C1orf141: variants seen among roughly 807,000 people sequenced by gnomAD.
C1orf141 encodes chromosome 1 open reading frame 141, also known as uncharacterized protein C1orf141.
Under a neutral mutation model 23.2 loss-of-function variants are expected in C1orf141, and 19 were observed. The ratio of observed to expected loss-of-function variants is 0.82; its 90% CI spans 0.57 to 1.20. The LOEUF is 1.20. Ranked by LOEUF, C1orf141 falls within the 50% of genes most tolerant of loss-of-function variation. The pLI is 0.00. For synonymous variants in C1orf141, 153 were observed against 154.6 expected (o/e 0.99, Z 0.08); for missense variants, 469 against 455.1 (o/e 1.03, Z -0.28).
chr1:67,104,241 A>C (rs553368441), intron 5 of C1orf141, among the ~76,000 whole-genome samples: 1 of 152,304 alleles, frequency 6.6e-6, no homozygotes, highest in Non-Finnish European at 1.5e-5. Context: ...TAGACAGGAA[A>C]GATTTCATAG....
intron 2 of C1orf141, among the ~76,000 whole-genome samples, chr1:67,128,610 G>C (rs1376927034): frequency 6.6e-6 from 1 of 151,824 alleles, no homozygotes; most frequent in Non-Finnish European, 1.5e-5. Flanking sequence ...AGGCTGAGGA[G>C]GGATCGCTTG....
intron 4 of C1orf141, among the ~76,000 whole-genome samples, chr1:67,119,383 T>C (rs1646257620): frequency 6.6e-6 from 1 of 152,230 alleles, no homozygotes; most frequent in South Asian, 2.1e-4. Flanking sequence ...TGAAATTGGA[T>C]AGTTAGCTGA....
intron 4 of C1orf141, among the ~76,000 whole-genome samples, chr1:67,117,377 C>A (rs762521608): frequency 6.6e-6 from 1 of 152,016 alleles, no homozygotes; most frequent in South Asian, 2.1e-4. Flanking sequence ...GAGCTGAGAT[C>A]GTGCCACTGC....
chr1:67,101,147 T>A (rs189435014), intron 5 of C1orf141, among the ~76,000 whole-genome samples: 56 of 152,224 alleles, frequency 3.7e-4, no homozygotes, highest in African/African-American at 1.3e-3. Context: ...TTGGTCACAG[T>A]CCAAAAATCA....
upstream of C1orf141, among the ~76,000 whole-genome samples, chr1:67,137,679 C>G (rs1310884923): frequency 1.3e-5 from 2 of 152,176 alleles, no homozygotes; most frequent in Non-Finnish European, 2.9e-5. Flanking sequence ...TCAAGGTCTC[C>G]AGGCAAATAA....
Position 67,096,381 on chromosome 1 carries a change from T to C in C1orf141, c.347-60A>G, listed in dbSNP as rs1239171373. 1.0e-4 allele frequency: 85 copies of C among 846,906 alleles called. 2 individuals carry two copies. In the South Asian group the frequency reaches 1.2e-3, roughly 11 times the overall value. 52.5% of individuals were successfully genotyped at this position (846,906 alleles called of 1,614,324 possible). A position where few individuals can be genotyped will look rare whatever the true frequency, so the allele number is the denominator to read the frequency against. ...AGATATTCTGACATTTAGGAAAATA[T>C]CTTGCACAAAATATTTTACAATTTA... is the stretch of plus-strand genomic sequence containing the variant. On this transcript the variant is annotated intron_variant, in intron 5 of 7. Transcript: ENST00000684719.
At chr1:67,107,437 A>G (rs10732837) in intron 5 of C1orf141, among the ~76,000 whole-genome samples, 104,487 of 152,072 alleles carry the variant, frequency 0.69, 36,258 homozygotes, top group East Asian at 0.79. Context: ...CAATGAAAAG[A>G]AATTGTCAGA....
rs776660177 is a variant in C1orf141 at position 67,115,345 on chromosome 1, G to A, written c.346+7C>T. 2 of 965,978 alleles carry A rather than the reference G, an allele frequency of 2.1e-6. No homozygotes were observed. Among genetic ancestry groups the A allele is most frequent in the South Asian group, 2.8e-5 (2 of 70,204 alleles). 59.8% of individuals were successfully genotyped at this position (965,978 alleles called of 1,614,324 possible). A position where few individuals can be genotyped will look rare whatever the true frequency, so the allele number is the denominator to read the frequency against. On this transcript the variant is annotated splice_region_variant and intron_variant, in intron 5 of 7. Transcript: ENST00000684719. ...CAAAGAAGTAAATATGTTACACAAA[G>A]CATTACCTGTTGACTCACTTTCTTT...
intron 4 of C1orf141, 45 bp downstream of exon 4, chr1:67,125,707 C>T (rs1260295918): frequency 6.3e-7 from 1 of 1,580,006 alleles, no homozygotes; most frequent in East Asian, 2.2e-5. Flanking sequence ...CACAAACAAA[C>T]AAACAAATTC....
At chr1:67,106,989 C>T (rs561977614) in intron 5 of C1orf141, among the ~76,000 whole-genome samples, 274 of 152,284 alleles carry the variant, frequency 1.8e-3, no homozygotes, top group African/African-American at 6.2e-3. Flanking sequence ...AGACTCTTGT[C>T]CCCTTTACTT....
At chr1:67,130,418 A>G (rs6659421) in intron 2 of C1orf141, among the ~76,000 whole-genome samples, 8,139 of 152,256 alleles carry the variant, frequency 0.053, 722 homozygotes, top group African/African-American at 0.19. Flanking sequence ...GAGAAAGAAC[A>G]GAAAGCAGAT....
chr1:67,118,640 A>C (rs965447030), intron 4 of C1orf141, among the ~76,000 whole-genome samples: 10 of 152,224 alleles, frequency 6.6e-5, no homozygotes, highest in Non-Finnish European at 1.0e-4. Context: ...GCTGAAGCTT[A>C]AATCTCTAAC....
chr1:67,113,925 C>G (rs1247212676), intron 5 of C1orf141, among the ~76,000 whole-genome samples: 3 of 152,092 alleles, frequency 2.0e-5, no homozygotes. Flanking sequence ...GATCCCTGGT[C>G]TTAAATCTAG....
intron 5 of C1orf141, among the ~76,000 whole-genome samples, chr1:67,099,506 G>T (rs779907198): frequency 2.0e-5 from 3 of 152,208 alleles, no homozygotes; most frequent in Admixed American, 6.5e-5. Context: ...GGGGCTGAGT[G>T]TGGTGGCTCA....
In C1orf141 at chr1:67,093,099, T is replaced by C; in HGVS notation, c.1109A>G (p.Tyr370Cys). ...ATATATATATTTAAAAGGCTTTGAG[T>C]AACATTTGACAGGTAAGGCACTGGA... The part of the protein sequence containing the change: ...PTSSALPVKC[Y>C]SKPFKYIYEL... Residue 370 changes from tyrosine to cysteine, a missense_variant, in exon 8 of 8, where the codon TAC (tyrosine) becomes TGC (cysteine). By Grantham distance (194) the Tyr-to-Cys change is radical. Around this residue, in one of 3 missense-constraint regions of C1orf141, gnomAD observed 370 missense variants for 348.1 expected, o/e 1.06. Coordinates refer to ENST00000684719, the MANE Select transcript of C1orf141 (RefSeq NM_001276351.2). The C allele has an allele frequency of 6.2e-7, 1 of 1,613,360 alleles. No individual in the cohort carries two copies. Among genetic ancestry groups the C allele is most frequent in the Non-Finnish European group, 8.5e-7 (1 of 1,179,344 alleles).
At chr1:67,124,672 T>C (rs1646370597) in intron 4 of C1orf141, among the ~76,000 whole-genome samples, 1 of 152,138 alleles carries the variant, frequency 6.6e-6, no homozygotes, top group Non-Finnish European at 1.5e-5. Context: ...TCATAGCTGC[T>C]GCCTGTCTAA....
intron 4 of C1orf141, chr1:67,123,501 T>G (rs1015018130): frequency 6.6e-6 from 1 of 152,116 alleles, no homozygotes; most frequent in African/African-American, 2.4e-5. Context: ...ATTTTTTTAT[T>G]TGGCTGAGGT....
Position 67,093,319 on chromosome 1 carries a change from G to T in C1orf141, c.889C>A (p.Leu297Ile). ...GTCTGCTTATTAGTTTTCTTCTTTA[G>T]TTTATCATCTACAGTTGTGTGGCCC... is the stretch of plus-strand genomic sequence containing the variant. The part of the protein sequence containing the change: ...KAGHTTVDDK[L>I]KKKTNKQTLE... Residue 297 changes from leucine to isoleucine, a missense_variant, in exon 8 of 8, where the codon CTA becomes ATA. By Grantham distance (5) the Leu-to-Ile change is conservative (BLOSUM62 2). Coordinates refer to ENST00000684719, the MANE Select transcript of C1orf141 (RefSeq NM_001276351.2). 1 of 1,613,550 alleles carries T rather than the reference G, an allele frequency of 6.2e-7. No homozygotes were observed. The highest frequency in any genetic ancestry group is 8.5e-7 in the Non-Finnish European group (1 of 1,179,588).
At chr1:67,095,092 T>C in intron 7 of C1orf141, 143 bp downstream of exon 7, 1 of 545,296 alleles carries the variant, frequency 1.8e-6, no homozygotes, top group Non-Finnish European at 3.2e-6. Flanking sequence ...CATTAAGAAC[T>C]TAAGTGCTGT....
Sources: gnomAD v4.1 joint callset for allele counts (sites outside exome capture counted in the v4.1 genomes callset) on GRCh38, gnomAD v4.1.1 for gene constraint, gnomAD v4.1.1 regional missense constraint, MANE v1.5 for transcripts, NCBI Gene and HGNC (gene_info 2026-07-23, HGNC 2026-07-21) for gene names.